Variants in ARHGEF10 observed in about 807,000 individuals in gnomAD.
ARHGEF10 encodes the protein Rho guanine nucleotide exchange factor (GEF) 10.
ARHGEF10 carries 140 observed loss-of-function variants against 147.4 expected under a neutral mutation model. That is an observed-to-expected ratio of 0.95 (90% confidence interval 0.83 to 1.09). The LOEUF is 1.09. Among genes scored for constraint, ARHGEF10 ranks in the 50% least tolerant of loss-of-function variants. ARHGEF10 has a pLI of 0.00. For synonymous variants in ARHGEF10, 902 were observed against 695.8 expected (o/e 1.30, Z -4.67); for missense variants, 2,222 against 1,752.7 (o/e 1.27, Z -4.78).
intron 1 of ARHGEF10, among the ~76,000 whole-genome samples, chr8:1,841,059 G>T (rs1242345505): frequency 6.6e-6 from 1 of 152,154 alleles, no homozygotes; most frequent in Non-Finnish European, 1.5e-5. Flanking sequence ...AGGACATGCC[G>T]TCGGGGCCTA....
At chr8:1,838,330 A>G (rs750430026) in intron 1 of ARHGEF10, among the ~76,000 whole-genome samples, 1 of 152,194 alleles carries the variant, frequency 6.6e-6, no homozygotes, top group Non-Finnish European at 1.5e-5. Flanking sequence ...TTGTTGGGAG[A>G]TGCTCCAGCC....
intron 4 of ARHGEF10, among the ~76,000 whole-genome samples, chr8:1,862,865 G>A (rs1324639271): frequency 3.5e-5 from 5 of 144,448 alleles, no homozygotes; most frequent in South Asian, 4.5e-4. Flanking sequence ...TGCAAGCTCC[G>A]CCTCCCGGGT....
chr8:1,899,244 A>C lies in ARHGEF10; in HGVS notation c.1650+719A>C, dbSNP rs543044585. 4.6e-5 allele frequency among the ~76,000 whole-genome samples: 7 copies of C among 152,332 alleles called. 1 individual carries two copies. In the South Asian group the frequency reaches 1.2e-3, roughly 27 times the overall value. On this transcript the variant is annotated intron_variant, in intron 15 of 28. Coordinates refer to ENST00000349830, the MANE Select transcript of ARHGEF10 (RefSeq NM_014629.4). Reference sequence around the variant, plus strand: ...TAACCTGGAGCCCAGGTGACCCTGTAGGCTGCGGGGCTCAGCACCCATTTT... The same window carrying C: ...TAACCTGGAGCCCAGGTGACCCTGTCGGCTGCGGGGCTCAGCACCCATTTT...
chr8:1,918,677 T>G (rs2129201123), intron 18 of ARHGEF10, among the ~76,000 whole-genome samples: 1 of 152,344 alleles, frequency 6.6e-6, no homozygotes, highest in Admixed American at 6.5e-5. Context: ...TAAAGTCTAC[T>G]CTTAGTGATT....
chr8:1,897,824 C>G (rs985526879), intron 14 of ARHGEF10, among the ~76,000 whole-genome samples: 1 of 152,132 alleles, frequency 6.6e-6, no homozygotes, highest in Non-Finnish European at 1.5e-5. Flanking sequence ...TGCCACGTGG[C>G]CTTGGGAGAT....
chr8:1,938,657 C>A (rs747689), intron 26 of ARHGEF10, among the ~76,000 whole-genome samples: 4 of 152,000 alleles, frequency 2.6e-5, no homozygotes, highest in African/African-American at 7.3e-5. Context: ...CAGGCCTAAG[C>A]GGGCACGGTG....
chr8:1,832,326 A>G (rs1021803624), intron 1 of ARHGEF10, among the ~76,000 whole-genome samples: 3 of 151,944 alleles, frequency 2.0e-5, no homozygotes, highest in Non-Finnish European at 2.9e-5. Context: ...AGAGGCAGAG[A>G]CAGAGACAGA....
chr8:1,894,770 G>C (rs1020362654), intron 13 of ARHGEF10, among the ~76,000 whole-genome samples, 198 bp downstream of exon 13: 1 of 152,228 alleles, frequency 6.6e-6, no homozygotes, highest in Non-Finnish European at 1.5e-5. Context: ...TTACCAGGGA[G>C]GCCAAGGCGT....
chr8:1,845,900 A>G (rs1204117108), intron 2 of ARHGEF10, among the ~76,000 whole-genome samples: 5 of 151,950 alleles, frequency 3.3e-5, no homozygotes, highest in Admixed American at 3.3e-4. Flanking sequence ...GCAGCAGGAC[A>G]CTCCTCTGCT....
intron 2 of ARHGEF10, among the ~76,000 whole-genome samples, chr8:1,854,171 G>A (rs777818382): frequency 8.5e-5 from 13 of 152,228 alleles, no homozygotes; most frequent in Non-Finnish European, 1.9e-4. Context: ...GCCCAGGGCA[G>A]TGTCTGGGAT....
At chr8:1,933,047 G>C (rs1813278766) in intron 25 of ARHGEF10, among the ~76,000 whole-genome samples, 1 of 152,136 alleles carries the variant, frequency 6.6e-6, no homozygotes, top group Non-Finnish European at 1.5e-5. Flanking sequence ...GGTATTCAAG[G>C]TAGCAACTCA....
intron 17 of ARHGEF10, among the ~76,000 whole-genome samples, chr8:1,908,140 G>T (rs761323317): frequency 2.6e-5 from 4 of 151,936 alleles, no homozygotes; most frequent in Non-Finnish European, 4.4e-5. Flanking sequence ...GAACTGGAGA[G>T]CTTGGGTGCA....
intron 2 of ARHGEF10, among the ~76,000 whole-genome samples, chr8:1,856,009 C>G (rs966825313): frequency 1.3e-5 from 2 of 152,028 alleles, no homozygotes; most frequent in Non-Finnish European, 2.9e-5. Context: ...TAACAAGGCT[C>G]AAACTCTGGA....
chr8:1,831,279 G>GACATCCGTGGAGGGACAGTGTT, intron 1 of ARHGEF10, among the ~76,000 whole-genome samples: 1 of 119,424 alleles, frequency 8.4e-6, no homozygotes, highest in South Asian at 2.8e-4. Flanking sequence ...GGGACAGTGT[G>GACATCCGTGGAGGGACAGTGTT]ACGGCTGTGG....
Position 1,854,024 on chromosome 8 carries a change from A to G in ARHGEF10, c.38-3936A>G, listed in dbSNP as rs7010159. ...TCAGCACAGGGATTTAGGGGACACA[A>G]TTGAACCTGTCAGGGCTGGTGTCAG... On this transcript the variant is annotated intron_variant, in intron 2 of 28. Transcript: ENST00000349830. 7.1e-3 allele frequency among the ~76,000 whole-genome samples: 1,082 copies of G among 152,322 alleles called. 13 individuals carry two copies. The highest frequency in any genetic ancestry group is 0.025 in the African/African-American group (1,049 of 41,578).
intron 11 of ARHGEF10, among the ~76,000 whole-genome samples, chr8:1,892,467 C>T (rs1809620530): frequency 6.6e-6 from 1 of 152,088 alleles, no homozygotes; most frequent in Non-Finnish European, 1.5e-5. Flanking sequence ...AGTAATCTCT[C>T]CATTGTTAAT....
chr8:1,851,936 C>A (rs1051607518), intron 2 of ARHGEF10, among the ~76,000 whole-genome samples: 1 of 151,242 alleles, frequency 6.6e-6, no homozygotes, highest in Admixed American at 6.6e-5. Context: ...AATTAATAAC[C>A]AAATGGAAAT....
chr8:1,841,293 G>C (rs1244486353), intron 1 of ARHGEF10, among the ~76,000 whole-genome samples: 2 of 152,214 alleles, frequency 1.3e-5, no homozygotes, highest in African/African-American at 2.4e-5. Flanking sequence ...GGTTATTTGG[G>C]TCACGTGTGA....
chr8:1,951,539 C>T (rs1292095908), intron 27 of ARHGEF10, among the ~76,000 whole-genome samples: 4 of 152,202 alleles, frequency 2.6e-5, no homozygotes, highest in South Asian at 2.1e-4. Flanking sequence ...TGACCTCTGT[C>T]GATACGGAGT....
Sources: allele counts gnomAD v4.1 joint callset (sites outside exome capture counted in the v4.1 genomes callset), GRCh38; gene constraint gnomAD v4.1.1; transcripts MANE v1.5; gene names NCBI Gene and HGNC (gene_info 2026-07-23, HGNC 2026-07-21).